Variants in GSE1 observed in about 807,000 individuals in gnomAD.
The protein encoded by GSE1 is genetic suppressor element 1.
In GSE1, 32 loss-of-function variants were observed where a neutral mutation model predicts 112.6. The observed-to-expected ratio is 0.28, with a 90% confidence interval of 0.21 to 0.38. The LOEUF (loss-of-function observed/expected upper bound fraction) is 0.38. Among genes scored for constraint, GSE1 ranks in the 10% least tolerant of loss-of-function variants. The pLI, the probability that GSE1 is intolerant of heterozygous loss-of-function variation, is 1.00. For missense variants in GSE1, 2,348 were observed against 1,699.2 expected (o/e 1.38, Z -6.71); for synonymous variants, 1,115 against 735.6 (o/e 1.52, Z -8.35).
intron 1 of GSE1, among the ~76,000 whole-genome samples, chr16:85,632,508 A>G (rs1469275891): frequency 2.6e-5 from 4 of 152,204 alleles, no homozygotes; most frequent in African/African-American, 4.8e-5. Context: ...TTCTGGGGAT[A>G]GCAGGTGGAC....
At chr16:85,506,094 A>G (rs2051526754) in intron 2 of GSE1, among the ~76,000 whole-genome samples, 1 of 152,064 alleles carries the variant, frequency 6.6e-6, no homozygotes, top group Non-Finnish European at 1.5e-5. Flanking sequence ...ACCCCCGGGG[A>G]GGTGACCTGC....
chr16:85,503,980 G>A (rs1159775071), intron 2 of GSE1, among the ~76,000 whole-genome samples: 1 of 152,238 alleles, frequency 6.6e-6, no homozygotes, highest in African/African-American at 2.4e-5. Context: ...GGGAGGGTCA[G>A]GTGTGGCGGT....
chr16:85,359,926 C>G (rs1354052289), intron 2 of GSE1, among the ~76,000 whole-genome samples: 1 of 152,172 alleles, frequency 6.6e-6, no homozygotes, highest in Non-Finnish European at 1.5e-5. Context: ...CCCAGCTACT[C>G]AGGTGGCTGA....
At chr16:85,470,520 GC>G (rs759636388) in intron 2 of GSE1, among the ~76,000 whole-genome samples, 9 of 152,210 alleles carry the variant, frequency 5.9e-5, no homozygotes, top group Non-Finnish European at 1.3e-4. Flanking sequence ...CTTCTTGGGT[GC>G]CCCTTGTTGG....
chr16:85,614,711 AC>A (rs1479657763), intron 1 of GSE1, among the ~76,000 whole-genome samples: 1 of 152,204 alleles, frequency 6.6e-6, no homozygotes, highest in African/African-American at 2.4e-5. Flanking sequence ...TTTGGCTCTT[AC>A]AAACTAGCCT....
chr16:85,489,520 C>T (rs1426260593), intron 2 of GSE1, among the ~76,000 whole-genome samples: 1 of 152,204 alleles, frequency 6.6e-6, no homozygotes, highest in South Asian at 2.1e-4. Context: ...GCCATCGGAC[C>T]CAGACACACA....
intron 1 of GSE1, among the ~76,000 whole-genome samples, chr16:85,238,760 A>AG (rs1179856795): frequency 1.3e-5 from 2 of 152,064 alleles, no homozygotes; most frequent in Admixed American, 1.3e-4. Context: ...CAGTCAGGAT[A>AG]GGGGGGCTCC....
chr16:85,519,803 T>A (rs981606316), intron 2 of GSE1, among the ~76,000 whole-genome samples: 22 of 152,324 alleles, frequency 1.4e-4, no homozygotes, highest in Non-Finnish European at 2.6e-4. Flanking sequence ...GCAATTGTGG[T>A]CACTGTCATC....
chr16:85,622,307 T>C (rs1167041378), intron 1 of GSE1, among the ~76,000 whole-genome samples: 1 of 152,184 alleles, frequency 6.6e-6, no homozygotes, highest in Non-Finnish European at 1.5e-5. Context: ...GGCACAGCAC[T>C]TGGGGCTTTG....
chr16:85,300,660 C>T (rs147236952), intron 1 of GSE1, among the ~76,000 whole-genome samples: 18 of 152,324 alleles, frequency 1.2e-4, no homozygotes, highest in African/African-American at 1.9e-4. Flanking sequence ...TGGAGTGGTC[C>T]GACCACGTTT....
At chr16:85,624,510 C>T (rs1478378982) in intron 1 of GSE1, among the ~76,000 whole-genome samples, 1 of 152,242 alleles carries the variant, frequency 6.6e-6, no homozygotes, top group Admixed American at 6.5e-5. Flanking sequence ...GGCACCCAAA[C>T]AGCCGCCACA....
intron 1 of GSE1, among the ~76,000 whole-genome samples, chr16:85,566,986 C>T (rs937914311): frequency 6.6e-6 from 1 of 152,110 alleles, no homozygotes; most frequent in East Asian, 1.9e-4. Context: ...GGAAGTGTCA[C>T]GGCCTTTATC....
At chr16:85,549,288 C>T (rs1296404884) in intron 2 of GSE1, among the ~76,000 whole-genome samples, 1 of 152,054 alleles carries the variant, frequency 6.6e-6, no homozygotes, top group Non-Finnish European at 1.5e-5. Flanking sequence ...GATCCTGCTG[C>T]CTCAGCTTCC....
chr16:85,197,846 G>T (rs1194719864), intron 1 of GSE1, among the ~76,000 whole-genome samples: 1 of 152,196 alleles, frequency 6.6e-6, no homozygotes, highest in Non-Finnish European at 1.5e-5. Context: ...GTTTGTCCGG[G>T]TAGCACCGCC....
chr16:85,328,270 C>T (rs1277821465), intron 1 of GSE1, among the ~76,000 whole-genome samples: 3 of 152,240 alleles, frequency 2.0e-5, no homozygotes. Context: ...CCTGGAATTC[C>T]CTGTCCAGGG....
intron 2 of GSE1, among the ~76,000 whole-genome samples, chr16:85,439,724 C>A (rs1203355002): frequency 6.6e-6 from 1 of 152,016 alleles, no homozygotes; most frequent in Non-Finnish European, 1.5e-5. Context: ...CACACAGGTG[C>A]TCAGAGAGCC....
intron 1 of GSE1, among the ~76,000 whole-genome samples, chr16:85,213,319 G>A (rs971844780): frequency 1.3e-5 from 2 of 151,962 alleles, no homozygotes; most frequent in Admixed American, 6.6e-5. Context: ...GTTGGCATGC[G>A]TCTGCATTCC....
At chr16:85,202,177 G>T (rs71386901) in intron 1 of GSE1, among the ~76,000 whole-genome samples, 4,759 of 152,336 alleles carry the variant, frequency 0.031, 141 homozygotes, top group East Asian at 0.13. Context: ...CTGGCACAGG[G>T]TTGCCTGGGC....
chr16:85,437,526 G>C (rs1053813134), intron 2 of GSE1, among the ~76,000 whole-genome samples: 9 of 152,164 alleles, frequency 5.9e-5, no homozygotes, highest in Middle Eastern at 3.4e-3. Context: ...AGGGAGCTAC[G>C]TGTTTGCACA....
Sources: gnomAD v4.1 joint callset for allele counts (sites outside exome capture counted in the v4.1 genomes callset) on GRCh38, gnomAD v4.1.1 for gene constraint, MANE v1.5 for transcripts, NCBI Gene and HGNC (gene_info 2026-07-23, HGNC 2026-07-21) for gene names.